CFTR: variants seen among roughly 807,000 people sequenced by gnomAD.
CFTR encodes the protein CF transmembrane conductance regulator.
In CFTR, 181 loss-of-function variants were observed where a neutral mutation model predicts 171.6. That is an observed-to-expected ratio of 1.05 (90% CI 0.93 to 1.19). The LOEUF (loss-of-function observed/expected upper bound fraction) is 1.19, where lower values mean the gene tolerates loss of function less well. Ranked by LOEUF, CFTR falls within the 50% of genes most tolerant of loss-of-function variation. The probability of loss-of-function intolerance (pLI) is 0.00; values close to 1 mark genes in which losing one functional copy is unlikely to be tolerated. For missense variants in CFTR, 1,968 were observed against 1,734.7 expected, an observed-to-expected ratio of 1.13 and a Z score of -2.39; for synonymous variants, 583 against 608.0, an observed-to-expected ratio of 0.96 and a Z score of 0.60.
intron 7 of CFTR, among the ~76,000 whole-genome samples, chr7:117,538,905 A>T (rs1799001303): frequency 6.6e-6 from 1 of 152,198 alleles, no homozygotes; most frequent in African/African-American, 2.4e-5. Flanking sequence ...CATTTTCTTC[A>T]TCAATGTGCT....
Position 117,556,155 on chromosome 7 carries a change from C to T in CFTR, c.1393-3309C>T, listed in dbSNP as rs180815592. Among the ~76,000 whole-genome samples, 781 of 152,166 alleles carry T rather than the reference C, an allele frequency of 5.1e-3. 10 individuals carry two copies. Among genetic ancestry groups the T allele is most frequent in the African/African-American group, 0.017 (722 of 41,486 alleles). On this transcript the variant is annotated intron_variant, in intron 10 of 26. Coordinates refer to ENST00000003084, the MANE Select transcript of CFTR (RefSeq NM_000492.4). ...TCTCGGCTCACTGCAACCTCTGCCT[C>T]CCGGGCTCAAGCAATTCTCCTGCCT...
chr7:117,584,154 G>A (rs981855002), intron 11 of CFTR, among the ~76,000 whole-genome samples: 4 of 151,834 alleles, frequency 2.6e-5, no homozygotes, highest in Non-Finnish European at 5.9e-5. Flanking sequence ...TTATTTTGCT[G>A]TGCAAAAGCT....
intron 11 of CFTR, among the ~76,000 whole-genome samples, chr7:117,574,555 AATC>A (rs1791744852): frequency 6.6e-6 from 1 of 152,092 alleles, no homozygotes; most frequent in Non-Finnish European, 1.5e-5. Context: ...TTTTAAAGGT[AATC>A]TGTATTTCTA....
At chr7:117,562,456 G>A (rs1791524904) in intron 11 of CFTR, among the ~76,000 whole-genome samples, 1 of 152,146 alleles carries the variant, frequency 6.6e-6, no homozygotes, top group African/African-American at 2.4e-5. Flanking sequence ...ACAGAAGTTG[G>A]TATATCGTGT....
chr7:117,587,005 C>A (rs35463889), intron 11 of CFTR, among the ~76,000 whole-genome samples: 1 of 152,028 alleles, frequency 6.6e-6, no homozygotes, highest in Admixed American at 6.6e-5. Flanking sequence ...TATGACTTAC[C>A]TTCTAAATTA....
rs1012483278 is a variant in CFTR at position 117,534,352 on chromosome 7, A to G, written c.566A>G (p.Asn189Ser). 2.6e-6 allele frequency: 4 copies of G among 1,568,306 alleles called. No homozygotes were observed. Among genetic ancestry groups the G allele is most frequent in the Non-Finnish European group, 3.5e-6 (4 of 1,138,926 alleles). The change falls in exon 5 of 27, where the codon AAC (asparagine) becomes AGC (serine). Residue 189 changes from asparagine (N) to serine (S), a missense_variant. Transcript: ENST00000003084. ...QLVSLLSNNL[N>S]KFDEGLALAH... is the part of the protein sequence containing the mutation. ...GTTAGTCTCCTTTCCAACAACCTGA[A>G]CAAATTTGATGAAGTATGTACCTAT...
chr7:117,579,962 A>C (rs1056366100), intron 11 of CFTR, among the ~76,000 whole-genome samples: 2 of 151,954 alleles, frequency 1.3e-5, no homozygotes, highest in African/African-American at 4.8e-5. Context: ...TTTGAAAAGA[A>C]ATATAGGATA....
intron 2 of CFTR, among the ~76,000 whole-genome samples, chr7:117,504,731 G>T (rs1413838925): frequency 6.8e-6 from 1 of 147,596 alleles, no homozygotes; most frequent in African/African-American, 2.6e-5. Flanking sequence ...TCCAGCTTGG[G>T]TGACACAGCA....
intron 24 of CFTR, among the ~76,000 whole-genome samples, chr7:117,661,207 TTTCTC>T (rs1279507872): frequency 4.4e-4 from 67 of 152,346 alleles, no homozygotes; most frequent in African/African-American, 1.5e-3. Context: ...TATGTTGACT[TTTCTC>T]TAATGAAGAT....
intron 8 of CFTR, 46 bp downstream of exon 8, chr7:117,540,392 A>G: frequency 6.4e-7 from 1 of 1,558,344 alleles, no homozygotes; most frequent in Non-Finnish European, 8.8e-7. Flanking sequence ...TTAAATAATC[A>G]GTCAATAGAT....
At chr7:117,534,478 C>A in intron 5 of CFTR, 113 bp downstream of exon 5, 1 of 695,362 alleles carries the variant, frequency 1.4e-6, no homozygotes, top group Non-Finnish European at 2.6e-6. Context: ...TCTTGCTCAG[C>A]TCTAGCTTCC....
At chr7:117,653,852 G>A (rs1416914989) in intron 24 of CFTR, among the ~76,000 whole-genome samples, 1 of 152,086 alleles carries the variant, frequency 6.6e-6, no homozygotes, top group South Asian at 2.1e-4. Flanking sequence ...TTCCTCTTTA[G>A]GCAGATTGCT....
intron 22 of CFTR, among the ~76,000 whole-genome samples, chr7:117,629,109 G>C (rs993675523): frequency 1.3e-5 from 2 of 152,110 alleles, no homozygotes; most frequent in African/African-American, 2.4e-5. Context: ...TGTGAGATTA[G>C]TAATTAGAGA....
rs397508166 is a variant in CFTR at position 117,542,047 on chromosome 7, T to C, written c.1148T>C (p.Leu383Ser). 2.5e-6 allele frequency: 4 copies of C among 1,591,942 alleles called. No homozygotes were observed. Among genetic ancestry groups the C allele is most frequent in the Admixed American group, 3.3e-5 (2 of 59,970 alleles). Residue 383 changes from leucine to serine, a missense_variant, in exon 9 of 27, where the codon TTG (leucine) becomes TCG (serine). Physicochemically the swap from Leu to Ser is moderately radical, Grantham distance 145 (BLOSUM62 -2). Coordinates refer to ENST00000003084, the MANE Select transcript of CFTR (RefSeq NM_000492.4). Reference protein sequence around the residue: ...DFLQKQEYKTLEYNLTTTEVV... With the variant: ...DFLQKQEYKTSEYNLTTTEVV... ...TTACAAAAGCAAGAATATAAGACAT[T>C]GGAATATAACTTAACGACTACAGAA...
At chr7:117,630,323 TGGCGGAGAGTTA>T (rs1269454525) in intron 22 of CFTR, among the ~76,000 whole-genome samples, 2 of 152,264 alleles carry the variant, frequency 1.3e-5, no homozygotes, top group East Asian at 3.9e-4. Flanking sequence ...TAGTATCAGT[TGGCGGAGAGTTA>T]GGCTATTAAG....
intron 3 of CFTR, among the ~76,000 whole-genome samples, chr7:117,512,607 C>T (rs1798536200): frequency 6.9e-6 from 1 of 143,918 alleles, no homozygotes; most frequent in Admixed American, 7.3e-5. Context: ...GCACTCCAGC[C>T]TGGGTGACAG....
intron 3 of CFTR, among the ~76,000 whole-genome samples, chr7:117,515,573 A>C (rs1584778879): frequency 6.6e-6 from 1 of 152,100 alleles, no homozygotes; most frequent in Admixed American, 6.6e-5. Context: ...TATATTTTGA[A>C]GTCTGGTAGC....
At chr7:117,491,906 A>T (rs915145393) in intron 1 of CFTR, among the ~76,000 whole-genome samples, 1 of 152,116 alleles carries the variant, frequency 6.6e-6, no homozygotes, top group Non-Finnish European at 1.5e-5. Context: ...ATTTGAGACC[A>T]TAAAGTATAT....
Position 117,512,411 on chromosome 7 carries a change from A to G in CFTR, c.273+3269A>G, listed in dbSNP as rs562362590. ...GGGAGGCCGAGGTGGGCAAATCACA[A>G]GGTCAGGAGTTTGAGACCAGCCTGG... On this transcript the variant is annotated intron_variant, in intron 3 of 26. Transcript: ENST00000003084. Among the ~76,000 whole-genome samples, 104 of 152,176 alleles carry G rather than the reference A, an allele frequency of 6.8e-4. 2 individuals are homozygous for G. The highest frequency in any genetic ancestry group is 3.9e-3 in the East Asian group (20 of 5,166).
Sources: gnomAD v4.1 joint callset for allele counts (sites outside exome capture counted in the v4.1 genomes callset) on GRCh38, gnomAD v4.1.1 for gene constraint, MANE v1.5 for transcripts, NCBI Gene and HGNC (gene_info 2026-07-23, HGNC 2026-07-21) for gene names.